The following TENM2 variants were observed in gnomAD, a reference collection of about 807,000 sequenced individuals.
The protein encoded by TENM2 is teneurin transmembrane protein 2, also known as teneurin-2.
A neutral mutation model predicts 245.2 loss-of-function variants in TENM2; 52 were observed. The observed-to-expected ratio is 0.21, with a 90% CI of 0.17 to 0.27. The LOEUF (loss-of-function observed/expected upper bound fraction) is 0.27. Among genes scored for constraint, TENM2 ranks in the 10% least tolerant of loss-of-function variants. The pLI, the probability that TENM2 is intolerant of heterozygous loss-of-function variation, is 1.00. For missense variants in TENM2, 3,046 were observed against 3,666.8 expected (o/e 0.83, Z 4.37); for synonymous variants, 1,363 against 1,438.9 (o/e 0.95, Z 1.19).
At chr5:167,346,958 G>A (rs1324247424) in intron 1 of TENM2, among the ~76,000 whole-genome samples, 1 of 151,860 alleles carries the variant, frequency 6.6e-6, no homozygotes, top group Non-Finnish European at 1.5e-5. Flanking sequence ...ATATTTTGTA[G>A]AGACAGGGTC....
intron 2 of TENM2, among the ~76,000 whole-genome samples, chr5:167,673,695 C>A (rs1050163671): frequency 2.0e-5 from 3 of 152,140 alleles, no homozygotes; most frequent in South Asian, 2.1e-4. Context: ...AGTTTAGAGA[C>A]CCCAATTGAA....
chr5:167,766,806 G>A (rs1176667092), intron 2 of TENM2, among the ~76,000 whole-genome samples: 5 of 152,134 alleles, frequency 3.3e-5, no homozygotes, highest in Non-Finnish European at 7.4e-5. Context: ...TTGAACCTGG[G>A]AGGCGAAGGT....
At chr5:168,097,644 T>C (rs985353089) in intron 8 of TENM2, among the ~76,000 whole-genome samples, 5 of 151,858 alleles carry the variant, frequency 3.3e-5, no homozygotes, top group African/African-American at 1.2e-4. Flanking sequence ...TAGTGATGGG[T>C]TTTTACCATG....
At chr5:167,069,137 C>G in the TENM2 span, among the ~76,000 whole-genome samples, 1 of 152,126 alleles carries the variant, frequency 6.6e-6, no homozygotes, top group Non-Finnish European at 1.5e-5. Context: ...CTCTTTATAT[C>G]TAAAGGGAAA....
At chr5:168,202,544 G>T (rs1242689309) in intron 17 of TENM2, among the ~76,000 whole-genome samples, 1 of 149,432 alleles carries the variant, frequency 6.7e-6, no homozygotes, top group Non-Finnish European at 1.5e-5. Flanking sequence ...GTGTCATTGT[G>T]TTCATTTCTT....
intron 2 of TENM2, among the ~76,000 whole-genome samples, chr5:167,715,187 G>A (rs1199464506): frequency 1.3e-5 from 2 of 151,462 alleles, no homozygotes; most frequent in African/African-American, 4.9e-5. Context: ...GATTGGGAAG[G>A]CTCAAGCAAA....
chr5:168,214,338 G>C lies in TENM2; in HGVS notation c.3846-702G>C, dbSNP rs1763009131. On this transcript the variant is annotated intron_variant, in intron 20 of 28. Coordinates refer to ENST00000518659, the Ensembl canonical transcript of TENM2. Reference sequence around the variant, plus strand: ...TATTAATCCCCTAGTGTGGCTGGGAGCCCTGGCAGACCGTGGCTCACGCCT... The same window carrying C: ...TATTAATCCCCTAGTGTGGCTGGGACCCCTGGCAGACCGTGGCTCACGCCT... Among the ~76,000 whole-genome samples the C allele has an allele frequency of 4.6e-5, 7 of 152,232 alleles. No individual in the cohort carries two copies. In the South Asian group the frequency reaches 1.4e-3, roughly 32 times the overall value.
At chr5:168,223,342 ACTGT>A (rs1250268240) in intron 23 of TENM2, among the ~76,000 whole-genome samples, 1 of 152,212 alleles carries the variant, frequency 6.6e-6, no homozygotes. Context: ...AGGAGGAGAA[ACTGT>A]CTGTTACTGA....
intron 2 of TENM2, among the ~76,000 whole-genome samples, chr5:167,857,986 G>A (rs1771248014): frequency 6.6e-6 from 1 of 152,164 alleles, no homozygotes; most frequent in African/African-American, 2.4e-5. Flanking sequence ...GTTGATCAGG[G>A]ATATTATCTA....
At chr5:167,978,406 T>C (rs868044504) in intron 4 of TENM2, among the ~76,000 whole-genome samples, 18 of 152,136 alleles carry the variant, frequency 1.2e-4, no homozygotes, top group Admixed American at 1.3e-4. Context: ...AGAAAAAGTG[T>C]ACACACACAC....
At chr5:167,755,283 C>T (rs529789693) in intron 2 of TENM2, 17 of 931,734 alleles carry the variant, frequency 1.8e-5, no homozygotes, top group Admixed American at 4.0e-5. Flanking sequence ...AACCCTTCAG[C>T]GGATACCAAG....
chr5:167,331,673 G>A (rs755009210), intron 1 of TENM2, among the ~76,000 whole-genome samples: 3 of 152,206 alleles, frequency 2.0e-5, no homozygotes, highest in Non-Finnish European at 4.4e-5. Flanking sequence ...GATGGCAAAT[G>A]CAACTCTTCA....
rs1157371663 is a variant in TENM2 at position 167,931,549 on chromosome 5, TGGAAAAAAAA to T, written c.713-21038_713-21029del. Reference sequence around the variant, plus strand: ...GAGCACCCCAACCCCATAAACCCATTGGAAAAAAAAAAAAAAAAAAAACAAGAAACATCTC... The same window carrying T: ...GAGCACCCCAACCCCATAAACCCATTAAAAAAAAAAAACAAGAAACATCTC... On this transcript the variant is annotated intron_variant, in intron 3 of 28. Coordinates refer to ENST00000518659, the Ensembl canonical transcript of TENM2. Among the ~76,000 whole-genome samples the T allele has an allele frequency of 4.4e-5, 4 of 90,890 alleles. No individual in the cohort carries two copies. The East Asian group carries it at 1.2e-3, about 27-fold the overall frequency. The allele number at this position is 90,890 out of a possible 152,430, so 59.6% of individuals were successfully genotyped here. A position where few individuals can be genotyped will look rare whatever the true frequency, so the allele number is the denominator to read the frequency against.
intron 2 of TENM2, among the ~76,000 whole-genome samples, chr5:167,560,899 C>T (rs913514189): frequency 1.4e-5 from 2 of 144,726 alleles, no homozygotes; most frequent in Non-Finnish European, 3.1e-5. Flanking sequence ...ATTAGATTGT[C>T]ATGAACTGGG....
intron 15 of TENM2, among the ~76,000 whole-genome samples, chr5:168,197,573 G>A (rs973718474): frequency 5.9e-5 from 9 of 151,916 alleles, no homozygotes; most frequent in South Asian, 2.1e-4. Flanking sequence ...CGTGGCAGGC[G>A]CCTGTAATTC....
At chr5:167,253,108 T>A in the TENM2 span, among the ~76,000 whole-genome samples, 1 of 151,972 alleles carries the variant, frequency 6.6e-6, no homozygotes. Context: ...TATTATTATT[T>A]TTGAGACAGG....
chr5:167,291,223 A>G (rs765183188), intron 1 of TENM2, among the ~76,000 whole-genome samples: 2 of 152,146 alleles, frequency 1.3e-5, no homozygotes, highest in African/African-American at 2.4e-5. Flanking sequence ...CTTCTTCTCC[A>G]TAGCACTTTC....
chr5:167,817,306 G>A, intron 2 of TENM2, among the ~76,000 whole-genome samples: 1 of 152,120 alleles, frequency 6.6e-6, no homozygotes, highest in East Asian at 1.9e-4. Flanking sequence ...CAAGAAGTGT[G>A]ATTAGTACTT....
At chr5:167,438,967 G>A (rs1764734246) in intron 2 of TENM2, among the ~76,000 whole-genome samples, 1 of 151,782 alleles carries the variant, frequency 6.6e-6, no homozygotes. Context: ...CTAGTTTTTT[G>A]TATTTTTAGT....
Sources: gnomAD v4.1 joint callset for allele counts (sites outside exome capture counted in the v4.1 genomes callset) on GRCh38, gnomAD v4.1.1 for gene constraint, MANE v1.5 for transcripts, NCBI Gene and HGNC (gene_info 2026-07-23, HGNC 2026-07-21) for gene names.